NAALADL2: variants seen among roughly 807,000 people sequenced by gnomAD.
The protein encoded by NAALADL2 is N-acetylated alpha-linked acidic dipeptidase like 2.
Under a neutral mutation model 87.2 loss-of-function variants are expected in NAALADL2, and 76 were observed. The observed-to-expected ratio is 0.87, with a 90% confidence interval of 0.72 to 1.05. NAALADL2 has a LOEUF of 1.05. NAALADL2 is among the 50% of genes least tolerant of loss of function. The probability of loss-of-function intolerance (pLI) is 0.00; values close to 1 mark genes in which losing one functional copy is unlikely to be tolerated. For synonymous variants in NAALADL2, 354 were observed against 331.0 expected, an observed-to-expected ratio of 1.07 and a Z score of -0.75; for missense variants, 1,089 against 945.8, an observed-to-expected ratio of 1.15 and a Z score of -1.99.
At chr3:175,064,666 G>A (rs76015689) in intron 1 of NAALADL2, among the ~76,000 whole-genome samples, 6 of 152,006 alleles carry the variant, frequency 3.9e-5, no homozygotes, top group Non-Finnish European at 8.8e-5. Context: ...CCAACTCTTG[G>A]CCCTCATTGG....
At chr3:175,652,636 G>A (rs1249747051) in intron 11 of NAALADL2, among the ~76,000 whole-genome samples, 9 of 151,638 alleles carry the variant, frequency 5.9e-5, no homozygotes, top group East Asian at 1.9e-4. Flanking sequence ...CCACCACCGC[G>A]CCCGGCTAAT....
chr3:175,708,670 CATCATTATTTCTT>C (rs1432240265), intron 11 of NAALADL2, among the ~76,000 whole-genome samples: 1 of 151,426 alleles, frequency 6.6e-6, no homozygotes, highest in Non-Finnish European at 1.5e-5. Flanking sequence ...TAAAATTTCT[CATCATTATTTCTT>C]ATGGTTCTTT....
At chr3:175,166,888 A>G (rs138038798) in intron 2 of NAALADL2, among the ~76,000 whole-genome samples, 56 of 152,164 alleles carry the variant, frequency 3.7e-4, no homozygotes, top group African/African-American at 1.2e-3. Context: ...ACTTGCTTTA[A>G]TAAGTGAGAT....
intron 4 of NAALADL2, among the ~76,000 whole-genome samples, chr3:175,271,666 C>T (rs965467062): frequency 2.0e-5 from 3 of 152,112 alleles, no homozygotes; most frequent in Non-Finnish European, 4.4e-5. Flanking sequence ...GTGGCGCACG[C>T]CTGTAATCCC....
intron 2 of NAALADL2, among the ~76,000 whole-genome samples, chr3:174,610,500 G>T (rs146172825): frequency 6.6e-6 from 1 of 152,124 alleles, no homozygotes; most frequent in Non-Finnish European, 1.5e-5. Flanking sequence ...CAAAAAGTGG[G>T]CGAAAGACAT....
intron 2 of NAALADL2, among the ~76,000 whole-genome samples, chr3:175,103,302 T>A (rs1383805270): frequency 6.6e-6 from 1 of 152,098 alleles, no homozygotes; most frequent in Non-Finnish European, 1.5e-5. Context: ...ATCTTCTCCC[T>A]TTTCTCTTCC....
At chr3:174,613,747 C>A (rs1177851931) in intron 2 of NAALADL2, among the ~76,000 whole-genome samples, 1 of 152,134 alleles carries the variant, frequency 6.6e-6, no homozygotes, top group Non-Finnish European at 1.5e-5. Context: ...GGAATCAGGG[C>A]CCAAGAGTCC....
At chr3:174,977,099 T>C (rs1191879943) in intron 1 of NAALADL2, among the ~76,000 whole-genome samples, 2 of 152,164 alleles carry the variant, frequency 1.3e-5, no homozygotes, top group Admixed American at 6.5e-5. Context: ...AAATATGACA[T>C]TTTGGAGGAC....
intron 9 of NAALADL2, among the ~76,000 whole-genome samples, chr3:175,549,427 G>A (rs1382442849): frequency 6.6e-6 from 1 of 151,546 alleles, no homozygotes; most frequent in Non-Finnish European, 1.5e-5. Context: ...TATTATTTTG[G>A]TCTATATGAA....
intron 1 of NAALADL2, among the ~76,000 whole-genome samples, chr3:174,926,882 A>G (rs1736129971): frequency 6.6e-6 from 1 of 152,214 alleles, no homozygotes; most frequent in Non-Finnish European, 1.5e-5. Flanking sequence ...AAATGGGCTA[A>G]ATGCTGCAAT....
intron 12 of NAALADL2, among the ~76,000 whole-genome samples, chr3:175,752,425 T>G (rs990583005): frequency 1.3e-5 from 2 of 152,102 alleles, no homozygotes; most frequent in African/African-American, 4.8e-5. Context: ...ATGAATCATT[T>G]GGGGTCACAA....
intron 2 of NAALADL2, among the ~76,000 whole-genome samples, chr3:174,595,781 C>T (rs1326671169): frequency 4.6e-5 from 7 of 152,068 alleles, no homozygotes; most frequent in Non-Finnish European, 7.4e-5. Context: ...GAGGCCGAGG[C>T]GGGCAGATCA....
rs1002923992 is a variant in NAALADL2, at chr3:175,074,279, G to A, written c.44-22511G>A. ...CATGTCTCAGGTATAGCAATCTAAC[G>A]TAATGCTAATCAAAGCTATTAACGT... On this transcript the variant is annotated intron_variant, in intron 1 of 13. Transcript: ENST00000454872. 4.6e-5 allele frequency among the ~76,000 whole-genome samples: 7 copies of A among 152,106 alleles called. No homozygotes were observed. The South Asian group carries it at 8.3e-4, about 18-fold the overall frequency.
intron 2 of NAALADL2, among the ~76,000 whole-genome samples, chr3:175,122,159 C>T (rs968969283): frequency 1.3e-5 from 2 of 151,804 alleles, no homozygotes; most frequent in Non-Finnish European, 2.9e-5. Flanking sequence ...AAATAAGCCC[C>T]TGCCTATGCT....
chr3:174,686,569 A>G (rs549538976), intron 2 of NAALADL2, among the ~76,000 whole-genome samples: 2 of 152,134 alleles, frequency 1.3e-5, no homozygotes, highest in East Asian at 3.9e-4. Flanking sequence ...TAACCAAAAC[A>G]GCATGGTATT....
chr3:175,039,237 G>T (rs1753767669), intron 1 of NAALADL2, among the ~76,000 whole-genome samples: 1 of 152,132 alleles, frequency 6.6e-6, no homozygotes, highest in African/African-American at 2.4e-5. Context: ...CACAAACTCG[G>T]CTCACTGCAA....
chr3:174,566,176 T>C (rs987173466), intron 2 of NAALADL2, among the ~76,000 whole-genome samples: 5 of 151,958 alleles, frequency 3.3e-5, no homozygotes, highest in Non-Finnish European at 7.4e-5. Context: ...TTGGATCTTA[T>C]CACTCTTGTG....
At chr3:174,959,187 C>G (rs548505061) in intron 1 of NAALADL2, among the ~76,000 whole-genome samples, 2 of 152,044 alleles carry the variant, frequency 1.3e-5, no homozygotes, top group Admixed American at 6.6e-5. Flanking sequence ...CAATTTTCAA[C>G]TGCTTTTGCG....
intron 4 of NAALADL2, among the ~76,000 whole-genome samples, chr3:175,295,551 C>T (rs1434994881): frequency 6.6e-6 from 1 of 151,974 alleles, no homozygotes; most frequent in Non-Finnish European, 1.5e-5. Flanking sequence ...GTCTTTAATC[C>T]TTCCTTTCCT....
Sources: gnomAD v4.1 joint callset for allele counts (sites outside exome capture counted in the v4.1 genomes callset) on GRCh38, gnomAD v4.1.1 for gene constraint, MANE v1.5 for transcripts, NCBI Gene and HGNC (gene_info 2026-07-23, HGNC 2026-07-21) for gene names.